Variants in TBC1D21 observed in about 807,000 individuals in gnomAD.
TBC1D21 encodes TBC1 domain family member 21.
TBC1D21 carries 38 observed loss-of-function variants against 46.0 expected under a neutral mutation model. The ratio of observed to expected loss-of-function variants is 0.83; its 90% CI spans 0.64 to 1.08. The LOEUF (loss-of-function observed/expected upper bound fraction) is 1.08. Among genes scored for constraint, TBC1D21 ranks in the 50% least tolerant of loss-of-function variants. The pLI is 0.00. For synonymous variants in TBC1D21, 151 were observed against 157.2 expected (o/e 0.96, Z 0.29); for missense variants, 415 against 417.9 (o/e 0.99, Z 0.06).
At chr15:73,879,913 T>C (rs2068124378) in intron 1 of TBC1D21, among the ~76,000 whole-genome samples, 2 of 151,958 alleles carry the variant, frequency 1.3e-5, no homozygotes, top group Non-Finnish European at 2.9e-5. Flanking sequence ...GTTAGAGATA[T>C]TATTATTATT....
chr15:73,906,843 CA>C, the TBC1D21 span, among the ~76,000 whole-genome samples: 1 of 152,142 alleles, frequency 6.6e-6, no homozygotes, highest in Admixed American at 6.5e-5. Flanking sequence ...CCAGAACCCC[CA>C]AGTGTAGAAT....
chr15:73,890,381 T>TTAG (rs1413861939), downstream of TBC1D21, among the ~76,000 whole-genome samples: 2 of 152,214 alleles, frequency 1.3e-5, no homozygotes, highest in African/African-American at 4.8e-5. Context: ...AGCAACACCT[T>TTAG]CTCTGCATGG....
At chr15:73,877,553 A>AACCC (rs138617669) in intron 1 of TBC1D21, among the ~76,000 whole-genome samples, 1 of 89,210 alleles carries the variant, frequency 1.1e-5, no homozygotes, top group African/African-American at 4.3e-5. Context: ...AAAAAAAAGA[A>AACCC]ATCCCTACTC....
chr15:73,879,823 G>A lies in TBC1D21; in HGVS notation c.61-1576G>A, dbSNP rs141399504. 1.8e-3 allele frequency among the ~76,000 whole-genome samples: 271 copies of A among 152,268 alleles called. 1 individual carries two copies. The highest frequency in any genetic ancestry group is 6.4e-3 in the African/African-American group (267 of 41,554). On this transcript the variant is annotated intron_variant, in intron 1 of 10. Coordinates refer to ENST00000300504, the MANE Select transcript of TBC1D21 (RefSeq NM_153356.3). ...ATATTCTTCTCTCCAGCAGAAGAGAGTATCCCAGGAAGAAAGGAATCTTCT... is the reference window on the plus strand; with the variant it reads ...ATATTCTTCTCTCCAGCAGAAGAGAATATCCCAGGAAGAAAGGAATCTTCT...
intron 2 of TBC1D21, 24 bp downstream of exon 2, chr15:73,881,530 C>G: frequency 6.2e-7 from 1 of 1,611,116 alleles, no homozygotes; most frequent in Non-Finnish European, 8.5e-7. Context: ...CTACCCTTGG[C>G]CTTGCCCTGG....
At chr15:73,876,371 G>C (rs1034158111) in intron 1 of TBC1D21, among the ~76,000 whole-genome samples, 2 of 149,014 alleles carry the variant, frequency 1.3e-5, no homozygotes, top group African/African-American at 4.9e-5. Flanking sequence ...GGGACCACAG[G>C]TGCCCACTAC....
chr15:73,876,786 G>A (rs117891587), intron 1 of TBC1D21, among the ~76,000 whole-genome samples: 7 of 151,958 alleles, frequency 4.6e-5, no homozygotes, highest in East Asian at 1.9e-4. Context: ...ATCTTTGTTC[G>A]TCATTTATTT....
chr15:73,887,532 A>G (rs1464928323), intron 8 of TBC1D21, 88 bp from the exon 9 acceptor site: 1 of 1,103,464 alleles, frequency 9.1e-7, no homozygotes, highest in Admixed American at 1.8e-5. Context: ...GGCTGACTCC[A>G]GGCACGTGGT....
chr15:73,895,535 A>G, the TBC1D21 span, among the ~76,000 whole-genome samples: 1 of 152,220 alleles, frequency 6.6e-6, no homozygotes, highest in Non-Finnish European at 1.5e-5. Context: ...AGTTAGTAAG[A>G]GCCAAAGTCT....
chr15:73,881,543 C>G (rs1222384161), intron 2 of TBC1D21, 37 bp downstream of exon 2: 1 of 1,607,120 alleles, frequency 6.2e-7, no homozygotes, highest in Non-Finnish European at 8.5e-7. Flanking sequence ...TGCCCTGGAA[C>G]TGGGAGCATG....
intron 3 of TBC1D21, 86 bp downstream of exon 3, chr15:73,881,833 C>G: frequency 8.4e-7 from 1 of 1,185,542 alleles, no homozygotes; most frequent in South Asian, 1.3e-5. Context: ...TATCTTCTGC[C>G]CCCATGCAAC....
At chr15:73,874,388 C>T (rs2068021954) in intron 1 of TBC1D21, among the ~76,000 whole-genome samples, 1 of 152,174 alleles carries the variant, frequency 6.6e-6, no homozygotes, top group South Asian at 2.1e-4. Flanking sequence ...TTTCTCATTT[C>T]TCTGAGCTTA....
intron 3 of TBC1D21, among the ~76,000 whole-genome samples, chr15:73,882,147 C>T (rs2068167546): frequency 6.6e-6 from 1 of 152,160 alleles, no homozygotes; most frequent in Admixed American, 6.5e-5. Flanking sequence ...GGTCTAGTCT[C>T]CCCACTCCCT....
intron 6 of TBC1D21, among the ~76,000 whole-genome samples, chr15:73,885,811 CACAT>C (rs1476479841): frequency 4.7e-5 from 5 of 107,324 alleles, no homozygotes; most frequent in African/African-American, 6.3e-5. Context: ...CTACTACACA[CACAT>C]ACACACACAC....
chr15:73,873,770 G>C lies in TBC1D21; in HGVS notation c.60+1G>C, dbSNP rs1056856230. 3.7e-6 allele frequency: 6 copies of C among 1,609,470 alleles called. No homozygotes were observed. The highest frequency in any genetic ancestry group is 5.1e-6 in the Non-Finnish European group (6 of 1,177,600). On this transcript the variant is annotated splice_donor_variant, in intron 1 of 10. Coordinates refer to ENST00000300504, the MANE Select transcript of TBC1D21 (RefSeq NM_153356.3). LOFTEE classifies it high-confidence loss of function. ...CAGACAGTCAGCCTCCTTCATCCTG[G>C]TGCGTGTTCTTTGTCAGCTCTGAGT...
the TBC1D21 span, among the ~76,000 whole-genome samples, chr15:73,896,780 G>T: frequency 6.6e-6 from 1 of 152,272 alleles, no homozygotes; most frequent in Non-Finnish European, 1.5e-5. Flanking sequence ...CCTGAAGTCT[G>T]CCAGTGATCA....
the TBC1D21 span, among the ~76,000 whole-genome samples, chr15:73,904,858 A>C: frequency 6.6e-6 from 1 of 152,226 alleles, no homozygotes; most frequent in African/African-American, 2.4e-5. Flanking sequence ...ACAAAACAAA[A>C]CACACAGATG....
In TBC1D21 at chr15:73,875,205, C is replaced by T. The variant is rs563127113; in HGVS notation, c.60+1436C>T. On this transcript the variant is annotated intron_variant, in intron 1 of 10. Coordinates refer to ENST00000300504, the MANE Select transcript of TBC1D21 (RefSeq NM_153356.3). ...TGGAGGTTGCAGTGAGCTGAGATTG[C>T]GCCACTGCACTCCAGCCTGGGCGAC... Among the ~76,000 whole-genome samples the T allele has an allele frequency of 1.1e-3, 159 of 148,458 alleles. 1 individual carries two copies. The highest frequency in any genetic ancestry group is 1.8e-3 in the Non-Finnish European group (121 of 67,368).
intron 6 of TBC1D21, 45 bp downstream of exon 6, chr15:73,885,148 C>G (rs765392495): frequency 4.4e-5 from 67 of 1,531,810 alleles, no homozygotes; most frequent in South Asian, 1.2e-4. Flanking sequence ...CCCAACCCCC[C>G]ACTACTCCCC....
Sources: gnomAD v4.1 joint callset for allele counts (sites outside exome capture counted in the v4.1 genomes callset) on GRCh38, gnomAD v4.1.1 for gene constraint, MANE v1.5 for transcripts, NCBI Gene and HGNC (gene_info 2026-07-23, HGNC 2026-07-21) for gene names.